Variants in GOLGA4 observed in about 807,000 individuals in gnomAD.
The protein encoded by GOLGA4 is golgin subfamily A member 4.
Under a neutral mutation model 265.9 loss-of-function variants are expected in GOLGA4, and 169 were observed. That is an observed-to-expected ratio of 0.64 (90% CI 0.56 to 0.72). GOLGA4 has a LOEUF of 0.72. GOLGA4 is among the 30% of genes least tolerant of loss of function. The pLI is 0.00. For synonymous variants in GOLGA4, 923 were observed against 855.8 expected (o/e 1.08, Z -1.37); for missense variants, 2,482 against 2,483.4 (o/e 1.00, Z 0.01).
At chr3:37,305,780 A>G (rs181425755) in intron 10 of GOLGA4, among the ~76,000 whole-genome samples, 43 of 152,332 alleles carry the variant, frequency 2.8e-4, no homozygotes, top group African/African-American at 1.0e-3. Flanking sequence ...TGCATTTTCA[A>G]CTGTGAAGAA....
Position 37,308,861 on chromosome 3 carries a change from G to A in GOLGA4, c.1234+6529G>A, listed in dbSNP as rs186867520. 4.9e-3 allele frequency among the ~76,000 whole-genome samples: 741 copies of A among 152,090 alleles called. 9 individuals are homozygous for A. The highest frequency in any genetic ancestry group is 0.017 in the African/African-American group (707 of 41,510). On this transcript the variant is annotated intron_variant, in intron 10 of 23. Transcript: ENST00000361924. ...CAAACTCTGACCTCGTGATCTGCCC[G>A]CCTCGGCCTCCCAAAGGGCTGGGAT...
chr3:37,273,645 G>T, intron 2 of GOLGA4: 1 of 993,118 alleles, frequency 1.0e-6, no homozygotes, highest in South Asian at 1.4e-5. Flanking sequence ...AGTCATTTCA[G>T]AGTGTTGGTC....
chr3:37,350,879 G>T (rs1292974994), intron 21 of GOLGA4, among the ~76,000 whole-genome samples: 1 of 152,052 alleles, frequency 6.6e-6, no homozygotes, highest in East Asian at 1.9e-4. Flanking sequence ...TGAGCCTTCA[G>T]CAAGTCATAA....
chr3:37,299,821 G>A (rs1399059209), intron 9 of GOLGA4, among the ~76,000 whole-genome samples: 4 of 151,782 alleles, frequency 2.6e-5, no homozygotes, highest in East Asian at 1.9e-4. Context: ...AGGCTGAGGC[G>A]GGAGGATTGC....
Position 37,275,085 on chromosome 3 carries a change from G to A in GOLGA4, c.163-6873G>A, listed in dbSNP as rs1199964271. On this transcript the variant is annotated intron_variant, in intron 2 of 23. Transcript: ENST00000361924. ...AAAAAAATTAGCTGGGCGTGGTGGCGGGTACCTGTAATTCCAGCTACTCAG... is the reference window on the plus strand; with the variant it reads ...AAAAAAATTAGCTGGGCGTGGTGGCAGGTACCTGTAATTCCAGCTACTCAG... Among the ~76,000 whole-genome samples the A allele has an allele frequency of 2.6e-5, 4 of 151,388 alleles. No homozygotes were observed. The East Asian group carries it at 5.8e-4, about 22-fold the overall frequency.
intron 20 of GOLGA4, among the ~76,000 whole-genome samples, chr3:37,342,046 T>C (rs1308992637): frequency 6.6e-6 from 1 of 152,014 alleles, no homozygotes; most frequent in African/African-American, 2.4e-5. Context: ...GCTGCCTCTT[T>C]AAAGAGTAAA....
chr3:37,330,402 G>T (rs1578739091), intron 16 of GOLGA4, among the ~76,000 whole-genome samples: 1 of 152,172 alleles, frequency 6.6e-6, no homozygotes, highest in South Asian at 2.1e-4. Flanking sequence ...TTTGCAGGGA[G>T]TAAATTGTGC....
At chr3:37,252,806 A>G (rs1419797631) in intron 2 of GOLGA4, among the ~76,000 whole-genome samples, 3 of 152,040 alleles carry the variant, frequency 2.0e-5, no homozygotes, top group South Asian at 2.1e-4. Context: ...CCCATTTTCT[A>G]TTGGATTATC....
chr3:37,345,883 G>T (rs1006021281), intron 20 of GOLGA4, among the ~76,000 whole-genome samples: 5 of 151,564 alleles, frequency 3.3e-5, no homozygotes, highest in Non-Finnish European at 4.4e-5. Context: ...GGAGGCGGGG[G>T]TTGCAGTGAG....
At chr3:37,271,220 CTG>C (rs1253647290) in intron 2 of GOLGA4, among the ~76,000 whole-genome samples, 1 of 151,912 alleles carries the variant, frequency 6.6e-6, no homozygotes, top group Non-Finnish European at 1.5e-5. Context: ...TGATACTGGA[CTG>C]TGGCCCAGAG....
At chr3:37,341,527 C>G (rs994032868) in intron 20 of GOLGA4, 5 of 152,050 alleles carry the variant, frequency 3.3e-5, no homozygotes. Flanking sequence ...TGGAGCTCCT[C>G]AAAAAGAAGT....
At chr3:37,299,451 T>G (rs2096887219) in intron 9 of GOLGA4, 80 bp downstream of exon 9, 2 of 794,664 alleles carry the variant, frequency 2.5e-6, no homozygotes, top group Non-Finnish European at 4.1e-6. Flanking sequence ...GAAACATTCA[T>G]GCTTGTTTCT....
chr3:37,266,949 T>G, intron 2 of GOLGA4: 2 of 1,191,366 alleles, frequency 1.7e-6, no homozygotes, highest in South Asian at 1.3e-5. Flanking sequence ...TGGTGAGTCC[T>G]TCCACCGCTT....
intron 13 of GOLGA4, among the ~76,000 whole-genome samples, chr3:37,323,271 C>T (rs188777439): frequency 1.9e-4 from 29 of 151,978 alleles, no homozygotes; most frequent in Admixed American, 4.6e-4. Context: ...GGACTACAGC[C>T]GCATGCTACC....
intron 2 of GOLGA4, among the ~76,000 whole-genome samples, chr3:37,272,037 A>G (rs2096800083): frequency 2.0e-5 from 3 of 152,204 alleles, no homozygotes; most frequent in Admixed American, 1.3e-4. Flanking sequence ...GGGACTGTCT[A>G]GTTGTAGGAA....
intron 11 of GOLGA4, among the ~76,000 whole-genome samples, chr3:37,317,676 T>A (rs2096941684): frequency 6.6e-6 from 1 of 152,232 alleles, no homozygotes; most frequent in South Asian, 2.1e-4. Context: ...TAACTTTATC[T>A]TTCCAAGTTT....
At chr3:37,265,821 G>T (rs2096782123) in intron 2 of GOLGA4, among the ~76,000 whole-genome samples, 1 of 151,968 alleles carries the variant, frequency 6.6e-6, no homozygotes. Flanking sequence ...TGGATCGCTT[G>T]AGCTCAGGAG....
intron 23 of GOLGA4, among the ~76,000 whole-genome samples, chr3:37,363,740 TACTC>T (rs1413572608): frequency 6.6e-6 from 1 of 152,180 alleles, no homozygotes; most frequent in Non-Finnish European, 1.5e-5. Flanking sequence ...TAGTACATAA[TACTC>T]AGTTTTTTAC....
At chr3:37,284,736 T>G (rs2096843821) in intron 3 of GOLGA4, among the ~76,000 whole-genome samples, 1 of 150,446 alleles carries the variant, frequency 6.6e-6, no homozygotes, top group South Asian at 2.1e-4. Context: ...TCATCACGGC[T>G]CACCTTGTAG....
Sources: gnomAD v4.1 joint callset for allele counts (sites outside exome capture counted in the v4.1 genomes callset) on GRCh38, gnomAD v4.1.1 for gene constraint, MANE v1.5 for transcripts, NCBI Gene and HGNC (gene_info 2026-07-23, HGNC 2026-07-21) for gene names.